Variants in SF3A1 observed in about 807,000 individuals in gnomAD.
SF3A1 encodes the protein SAP 114.
In SF3A1, 13 loss-of-function variants were observed where a neutral mutation model predicts 89.9. The ratio of observed to expected loss-of-function variants is 0.14; its 90% CI spans 0.09 to 0.23. The LOEUF (loss-of-function observed/expected upper bound fraction) is 0.23, where lower values mean the gene tolerates loss of function less well. Ranked by LOEUF, SF3A1 falls within the 10% of genes least tolerant of loss-of-function variation. SF3A1 has a pLI of 1.00. For missense variants in SF3A1, 604 were observed against 1,022.1 expected (o/e 0.59, Z 5.58); for synonymous variants, 405 against 374.4 (o/e 1.08, Z -0.94).
At chr22:30,339,876 G>C (rs1304390959) in intron 9 of SF3A1, among the ~76,000 whole-genome samples, 1 of 152,230 alleles carries the variant, frequency 6.6e-6, no homozygotes, top group Middle Eastern at 3.2e-3. Flanking sequence ...CTGTGGCACA[G>C]TTCCTGCCCC....
At chr22:30,354,685 C>T (rs1010553963) in intron 1 of SF3A1, among the ~76,000 whole-genome samples, 1 of 152,216 alleles carries the variant, frequency 6.6e-6, no homozygotes, top group Non-Finnish European at 1.5e-5. Flanking sequence ...AACCTCTTTC[C>T]TCAGGAATAG....
intron 1 of SF3A1, among the ~76,000 whole-genome samples, chr22:30,353,583 C>T (rs1026750846): frequency 1.3e-5 from 2 of 152,190 alleles, no homozygotes; most frequent in Non-Finnish European, 2.9e-5. Flanking sequence ...TGAGAAAGCA[C>T]TGTAAAACTT....
chr22:30,353,071 G>A lies in SF3A1; in HGVS notation c.65C>T (p.Pro22Leu), dbSNP rs767869823. 9.3e-6 allele frequency: 15 copies of A among 1,613,952 alleles called. No individual in the cohort carries two copies. The highest frequency in any genetic ancestry group is 8.9e-5 in the East Asian group (4 of 44,876). The change falls in exon 2 of 16, where the codon CCC becomes CTC. Residue 22 changes from proline to leucine, a missense_variant and splice_region_variant. Around this residue, in one of 9 missense-constraint regions of SF3A1, gnomAD observed 55 missense variants for 43.8 expected, o/e 1.25. Coordinates refer to ENST00000215793, the MANE Select transcript of SF3A1 (RefSeq NM_005877.6). Reference sequence around the variant, plus strand: ...CTTTGAAGATGCTTCTTCTTCTGTGGGCTGTGCAAACAGGAAAAGAAATAA... The same window carrying A: ...CTTTGAAGATGCTTCTTCTTCTGTGAGCTGTGCAAACAGGAAAAGAAATAA... The part of the protein sequence containing the change: ...PPPVPTEPKQ[P>L]TEEEASSKED...
At chr22:30,354,954 G>C (rs571709750) in intron 1 of SF3A1, among the ~76,000 whole-genome samples, 2 of 152,216 alleles carry the variant, frequency 1.3e-5, no homozygotes, top group Non-Finnish European at 2.9e-5. Flanking sequence ...GCTATGAGTA[G>C]ATCCCAGGTA....
chr22:30,342,414 ACCT>A, intron 5 of SF3A1, 64 bp from the exon 6 acceptor site: 1 of 1,518,854 alleles, frequency 6.6e-7, no homozygotes, highest in South Asian at 1.2e-5. Context: ...TGAGGCTACC[ACCT>A]CCAGGGCTTT....
chr22:30,349,484 G>C (rs530193909), intron 2 of SF3A1, among the ~76,000 whole-genome samples: 2 of 152,182 alleles, frequency 1.3e-5, no homozygotes, highest in Admixed American at 1.3e-4. Flanking sequence ...GTTTCACTAT[G>C]CTGGCCAGGC....
Position 30,333,243 on chromosome 22 carries a change from G to A in SF3A1, c.*1351C>T, listed in dbSNP as rs1413910064. On this transcript the variant is annotated 3_prime_UTR_variant, in exon 16 of 16. Transcript: ENST00000215793. ...GCCATAAAACTGGTACTGACTCTGG[G>A]TGAGAGGGAGAGGCAGGGTGGTGAC... 1 of 152,308 alleles carries A rather than the reference G, an allele frequency of 6.6e-6. No homozygotes were observed. The highest frequency in any genetic ancestry group is 2.4e-5 in the African/African-American group (1 of 41,458). 9.4% of individuals were successfully genotyped at this position (152,308 alleles called of 1,614,324 possible).
chr22:30,335,445 G>T lies in SF3A1; in HGVS notation c.2280+22C>A, dbSNP rs529808137. 10 of 1,607,178 alleles carry T rather than the reference G, an allele frequency of 6.2e-6. No homozygotes were observed. In the African/African-American group the frequency reaches 1.2e-4, roughly 19 times the overall value. On this transcript the variant is annotated intron_variant, in intron 15 of 15. Coordinates refer to ENST00000215793, the MANE Select transcript of SF3A1 (RefSeq NM_005877.6). Reference sequence around the variant, plus strand: ...AGAGGTGTCAGGACCCAAGGGACAGGTCTGTGGACAAACTGACTCACCTCA... The same window carrying T: ...AGAGGTGTCAGGACCCAAGGGACAGTTCTGTGGACAAACTGACTCACCTCA...
At chr22:30,339,396 G>T in intron 9 of SF3A1, 145 bp from the exon 10 acceptor site, 1 of 1,026,382 alleles carries the variant, frequency 9.7e-7, no homozygotes, top group Non-Finnish European at 1.4e-6. Flanking sequence ...TGTCCTCTGG[G>T]CTCGGGGAAA....
intron 2 of SF3A1, among the ~76,000 whole-genome samples, chr22:30,349,666 C>CT (rs58624811): frequency 0.036 from 5,055 of 138,858 alleles, 200 homozygotes; most frequent in African/African-American, 0.094. Context: ...TTTTTTCTTT[C>CT]TTTTTTTTTT....
chr22:30,343,426 G>A (rs996319443), intron 4 of SF3A1, among the ~76,000 whole-genome samples: 2 of 152,188 alleles, frequency 1.3e-5, no homozygotes, highest in Non-Finnish European at 2.9e-5. Context: ...TACATCTCCA[G>A]CCCCCTGAAT....
At chr22:30,353,199 C>A in intron 1 of SF3A1, 127 bp from the exon 2 acceptor site, 1 of 1,210,114 alleles carries the variant, frequency 8.3e-7, no homozygotes. Flanking sequence ...AGGTTAGAAC[C>A]CTCTACTTCA....
rs774775899 is a variant in SF3A1, at chr22:30,346,483, G to A, written c.222C>T (p.Asn74=). The change falls in exon 3 of 16, where the codon AAC becomes AAT. Residue 74 remains asparagine, a synonymous_variant. Transcript: ENST00000215793. ...AGTTGAACTTGGGGTTGTTGATCTCGTTCTGTCGGATCCTAGCTTCAAATT... is the reference window on the plus strand; with the variant it reads ...AGTTGAACTTGGGGTTGTTGATCTCATTCTGTCGGATCCTAGCTTCAAATT... ...GPEFEARIRQ[N]EINNPKFNFL... 8 of 1,614,096 alleles carry A rather than the reference G, an allele frequency of 5.0e-6. No homozygotes were observed. Among genetic ancestry groups the A allele is most frequent in the South Asian group, 3.3e-5 (3 of 91,076 alleles).
chr22:30,334,847 T>TGTTTC, intron 15 of SF3A1, 152 bp from the exon 16 acceptor site: 1 of 569,626 alleles, frequency 1.8e-6, no homozygotes. Context: ...TGGAGGCCTC[T>TGTTTC]CATTCCTCCC....
intron 2 of SF3A1, chr22:30,352,547 G>A (rs1484639401): frequency 1.8e-5 from 3 of 164,052 alleles, no homozygotes; most frequent in Non-Finnish European, 2.7e-5. Flanking sequence ...ACTCTGAGAT[G>A]GCATTTTTTC....
Position 30,341,681 on chromosome 22 carries a change from CAGCAGCTT to C in SF3A1, c.1071+3_1071+10del. On this transcript the variant is annotated splice_donor_5th_base_variant and intron_variant, in intron 7 of 15. Transcript: ENST00000215793. ...GAAAAGGTCATCCTGCAGGCCTGCC[CAGCAGCTT>C]ACCTCATCCATATCTTGTACTTGGG... 6.2e-7 allele frequency: 1 copy of C among 1,611,192 alleles called. No homozygotes were observed. The highest frequency in any genetic ancestry group is 1.1e-5 in the South Asian group (1 of 90,896).
rs1307566823 is a variant in SF3A1, at chr22:30,344,976, C to T, written c.608G>A (p.Ser203Asn). The T allele has an allele frequency of 6.2e-7, 1 of 1,614,212 alleles. No homozygotes were observed. Among genetic ancestry groups the T allele is most frequent in the Non-Finnish European group, 8.5e-7 (1 of 1,180,038 alleles). Residue 203 changes from serine to asparagine, a missense_variant, in exon 4 of 16, where the codon AGC becomes AAC. Around this residue, in one of 9 missense-constraint regions of SF3A1, gnomAD observed 162 missense variants for 229.2 expected, o/e 0.71. Coordinates refer to ENST00000215793, the MANE Select transcript of SF3A1 (RefSeq NM_005877.6). The stretch of plus-strand genomic sequence containing the variant: ...TAGCTTCGTGAAGTAGTTGAAGAGG[C>T]TGTGCTGTGGGCGGAGAAAGTCAAA... ...YQFDFLRPQH[S>N]LFNYFTKLVE...
In SF3A1 at chr22:30,339,259, G is replaced by T; in HGVS notation, c.1376-8C>A. On this transcript the variant is annotated splice_polypyrimidine_tract_variant and splice_region_variant and intron_variant, in intron 9 of 15. Transcript: ENST00000215793. Reference sequence around the variant, plus strand: ...TGCTCTCAATATCCAGACCTGTACAGTCACAAAACAGAGGCAGAGGATAGA... The same window carrying T: ...TGCTCTCAATATCCAGACCTGTACATTCACAAAACAGAGGCAGAGGATAGA... The T allele has an allele frequency of 6.2e-7, 1 of 1,613,640 alleles. No homozygotes were observed.
Position 30,346,295 on chromosome 22 carries a change from G to C in SF3A1, c.393+17C>G, listed in dbSNP as rs930367106. On this transcript the variant is annotated intron_variant, in intron 3 of 15. Coordinates refer to ENST00000215793, the MANE Select transcript of SF3A1 (RefSeq NM_005877.6). ...TCTCAAGCCCTGCGTAAGTGAAGGGGGCACTGGGCTCCAAACCTTCTGGGG... is the reference window on the plus strand; with the variant it reads ...TCTCAAGCCCTGCGTAAGTGAAGGGCGCACTGGGCTCCAAACCTTCTGGGG... 1.3e-6 allele frequency: 2 copies of C among 1,522,958 alleles called. No homozygotes were observed. Among genetic ancestry groups the C allele is most frequent in the African/African-American group, 2.7e-5 (2 of 73,036 alleles). The allele number at this position is 1,522,958 out of a possible 1,614,324, so 94.3% of individuals were successfully genotyped here.
Sources: allele counts gnomAD v4.1 joint callset (sites outside exome capture counted in the v4.1 genomes callset), GRCh38; gene constraint gnomAD v4.1.1; regional missense constraint gnomAD v4.1.1; transcripts MANE v1.5; gene names NCBI Gene and HGNC (gene_info 2026-07-23, HGNC 2026-07-21).